PLXNA2: variants seen among roughly 807,000 people sequenced by gnomAD.
The protein encoded by PLXNA2 is plexin-A2.
PLXNA2 carries 91 observed loss-of-function variants against 193.5 expected under a neutral mutation model. That is an observed-to-expected ratio of 0.47 (90% CI 0.40 to 0.56). PLXNA2 has a LOEUF of 0.56. Among genes scored for constraint, PLXNA2 ranks in the 20% least tolerant of loss-of-function variants. PLXNA2 has a pLI of 0.00. For synonymous variants in PLXNA2, 997 were observed against 1,027.3 expected (o/e 0.97, Z 0.56); for missense variants, 1,995 against 2,503.2 (o/e 0.80, Z 4.33).
In PLXNA2 at chr1:208,034,551, G is replaced by C. The variant is rs373970410; in HGVS notation, c.4806C>G (p.Thr1602=). 6 of 1,614,032 alleles carry C rather than the reference G, an allele frequency of 3.7e-6. No individual in the cohort carries two copies. Among genetic ancestry groups the C allele is most frequent in the Non-Finnish European group, 5.1e-6 (6 of 1,179,896 alleles). The change falls in exon 27 of 32, where the codon ACC becomes ACG. Residue 1602 remains threonine (T), a synonymous_variant. Transcript: ENST00000367033. ...CAGAGGCAGGGATGTTGTAGGAGGA[G>C]GTCTGTTTGGGGACCAGAGCCACCA... ...RSVVALVPKQ[T]SSYNIPASAS... is the part of the protein sequence containing the mutation.
At position 208,162,555 on chromosome 1, in the gene PLXNA2, T is replaced by C. The variant is rs1208211512; in HGVS notation, c.1372-20092A>G. ...GACTATGGGGAGAAGCAGAATCTTT[T>C]TAGGGGAGTACAAAGATGAATCCTG... On this transcript the variant is annotated intron_variant, in intron 3 of 31. Coordinates refer to ENST00000367033, the MANE Select transcript of PLXNA2 (RefSeq NM_025179.4). 2.6e-5 allele frequency among the ~76,000 whole-genome samples: 4 copies of C among 152,194 alleles called. No individual in the cohort carries two copies. The East Asian group carries it at 7.7e-4, about 29-fold the overall frequency.
chr1:208,145,646 G>GA (rs1668580818), intron 3 of PLXNA2, among the ~76,000 whole-genome samples: 1 of 152,186 alleles, frequency 6.6e-6, no homozygotes, highest in South Asian at 2.1e-4. Context: ...GGCAAGATTA[G>GA]AGCTGGAGTT....
rs1418438286 is a variant in PLXNA2, at chr1:208,042,192, G to A, written c.4192C>T (p.Leu1398=). Residue 1398 remains leucine, a synonymous_variant, in exon 22 of 32, where the codon CTG becomes TTG. Transcript: ENST00000367033. The stretch of plus-strand genomic sequence containing the variant: ...TTGAGGACATCAGTGGCATATTCCA[G>A]GCGGCCCTGCAGGCCGGTCATGATG... The part of the protein sequence containing the change: ...SLIMTGLQGR[L]EYATDVLKQL... 7 of 1,614,238 alleles carry A rather than the reference G, an allele frequency of 4.3e-6. No homozygotes were observed. The highest frequency in any genetic ancestry group is 5.9e-6 in the Non-Finnish European group (7 of 1,180,024).
Position 208,113,005 on chromosome 1 carries a change from C to CAAAAAA in PLXNA2, c.1507-9764_1507-9759dup, listed in dbSNP as rs5780433. Among the ~76,000 whole-genome samples the CAAAAAA allele has an allele frequency of 4.0e-4, 46 of 114,340 alleles. 2 individuals carry two copies. Among genetic ancestry groups the CAAAAAA allele is most frequent in the South Asian group, 6.0e-4 (2 of 3,316 alleles). 75.0% of individuals were successfully genotyped at this position (114,340 alleles called of 152,430 possible). On this transcript the variant is annotated intron_variant, in intron 4 of 31. Coordinates refer to ENST00000367033, the MANE Select transcript of PLXNA2 (RefSeq NM_025179.4). ...AAGTTCTGGTTTTTGGAAGGACCTA[C>CAAAAAA]AAAAAAAAAAAAAAAAAAACAGAGA...
At position 208,051,367 on chromosome 1, in the gene PLXNA2, G is replaced by T. The variant is rs140131144; in HGVS notation, c.3050C>A (p.Pro1017Gln). 2.5e-6 allele frequency: 4 copies of T among 1,612,712 alleles called. No homozygotes were observed. Among genetic ancestry groups the T allele is most frequent in the Admixed American group, 3.4e-5 (2 of 59,572 alleles). Residue 1017 changes from proline (P) to glutamine (Q), a missense_variant, in exon 16 of 32, where the codon CCG (proline) becomes CAG (glutamine). Physicochemically the swap from Pro to Gln is moderately conservative, Grantham distance 76. Around this residue, in one of 3 missense-constraint regions of PLXNA2, gnomAD observed 1,291 missense variants for 1,673.6 expected, o/e 0.77. Coordinates refer to ENST00000367033, the MANE Select transcript of PLXNA2 (RefSeq NM_025179.4). ...GTCGACACTCACAGAAACAGGGACC[G>T]GGCCAAGGCCATTGGATGATGGGGG... is the stretch of plus-strand genomic sequence containing the variant. ...VSPPSSNGLG[P>Q]VPVSVSVDRA...
chr1:208,027,454 T>A (rs1664376601), intron 31 of PLXNA2, 116 bp from the exon 32 acceptor site: 2 of 680,058 alleles, frequency 2.9e-6, no homozygotes, highest in Non-Finnish European at 5.1e-6. Context: ...TTCATGCACA[T>A]AACCTTAAAT....
intron 15 of PLXNA2, 39 bp downstream of exon 15, chr1:208,052,288 G>A: frequency 6.2e-7 from 1 of 1,600,934 alleles, no homozygotes; most frequent in South Asian, 1.1e-5. Context: ...ACATGTCCCA[G>A]ATGTGCAGTC....
At chr1:208,051,145 A>AG (rs1212680350) in intron 16 of PLXNA2, 43 bp from the exon 17 acceptor site, 5 of 1,599,562 alleles carry the variant, frequency 3.1e-6, no homozygotes, top group Non-Finnish European at 3.4e-6. Flanking sequence ...AACCCCCTCA[A>AG]ATCTGGCATG....
intron 7 of PLXNA2, 44 bp downstream of exon 7, chr1:208,096,686 A>T (rs749324522): frequency 8.7e-6 from 14 of 1,608,680 alleles, no homozygotes; most frequent in Non-Finnish European, 1.1e-5. Context: ...CCCTCAGTAT[A>T]GAGAAGCCCC....
At position 208,038,449 on chromosome 1, in the gene PLXNA2, C is replaced by T; in HGVS notation, c.4686G>A (p.Arg1562=). The change falls in exon 26 of 32, where the codon CGG becomes CGA. Residue 1562 remains arginine, a synonymous_variant. Coordinates refer to ENST00000367033, the MANE Select transcript of PLXNA2 (RefSeq NM_025179.4). This position sits in a 1 kb window ranked among gnomAD's most constrained non-coding sequence, Gnocchi z 4.1. ...TGATGTCCTCATCTTGCAGCACGAC[C>T]CGGGCGATCCGGCCTTGGCGCCACT... is the stretch of plus-strand genomic sequence containing the variant. The part of the protein sequence containing the change: ...DLEWRQGRIA[R]VVLQDEDITT... 2 of 1,614,134 alleles carry T rather than the reference C, an allele frequency of 1.2e-6. No homozygotes were observed.
intron 5 of PLXNA2, among the ~76,000 whole-genome samples, chr1:208,100,598 G>A (rs1667063028): frequency 6.6e-6 from 1 of 152,184 alleles, no homozygotes; most frequent in African/African-American, 2.4e-5. Context: ...ATGATCTTGT[G>A]GGTGGATTAA....
At chr1:208,182,258 C>T (rs931842753) in intron 3 of PLXNA2, among the ~76,000 whole-genome samples, 9 of 152,110 alleles carry the variant, frequency 5.9e-5, no homozygotes, top group Admixed American at 2.0e-4. Flanking sequence ...CATGGTGAAA[C>T]CCCATCTCTA....
chr1:208,217,434 G>T lies in PLXNA2; in HGVS notation c.489C>A (p.Asn163Lys), dbSNP rs1671171036. 1 of 1,614,066 alleles carries T rather than the reference G, an allele frequency of 6.2e-7. No individual in the cohort carries two copies. Among genetic ancestry groups the T allele is most frequent in the South Asian group, 1.1e-5 (1 of 91,086 alleles). Reference protein sequence around the residue: ...HKKEHYLSSVNKTGTMYGVIV... With the variant: ...HKKEHYLSSVKKTGTMYGVIV... ...TCACCCCGTACATGGTGCCCGTCTTGTTGACACTGGACAGGTAGTGCTCCT... is the reference window on the plus strand; with the variant it reads ...TCACCCCGTACATGGTGCCCGTCTTTTTGACACTGGACAGGTAGTGCTCCT... Residue 163 changes from asparagine to lysine, a missense_variant, in exon 2 of 32, where the codon AAC becomes AAA. Transcript: ENST00000367033. This position sits in a 1 kb window ranked among gnomAD's most constrained non-coding sequence, Gnocchi z 4.7.
intron 11 of PLXNA2, among the ~76,000 whole-genome samples, chr1:208,080,263 C>T (rs542851367): frequency 6.6e-6 from 1 of 152,160 alleles, no homozygotes; most frequent in East Asian, 1.9e-4. Context: ...GAGAATATGT[C>T]CCCAGAGAGG....
intron 5 of PLXNA2, among the ~76,000 whole-genome samples, chr1:208,101,202 C>T (rs1211121983): frequency 6.6e-6 from 1 of 152,178 alleles, no homozygotes; most frequent in East Asian, 1.9e-4. Flanking sequence ...GACAATAACA[C>T]ACTTGCAAGA....
chr1:208,204,167 T>TG (rs2102588356), intron 3 of PLXNA2, among the ~76,000 whole-genome samples: 1 of 152,326 alleles, frequency 6.6e-6, no homozygotes, highest in Admixed American at 6.5e-5. Flanking sequence ...AAGAAGGTAG[T>TG]GCCAGAATAG....
intron 9 of PLXNA2, among the ~76,000 whole-genome samples, chr1:208,091,389 T>C (rs1666704416): frequency 6.6e-6 from 1 of 152,254 alleles, no homozygotes; most frequent in African/African-American, 2.4e-5. Flanking sequence ...ACTCCATTAC[T>C]TGAAATCTTA....
intron 12 of PLXNA2, among the ~76,000 whole-genome samples, chr1:208,074,002 A>C (rs1437618599): frequency 6.6e-6 from 1 of 152,222 alleles, no homozygotes. Flanking sequence ...AGGTTGTTTA[A>C]GCCACCTGTT....
chr1:208,137,817 T>A (rs1020668826), intron 4 of PLXNA2, among the ~76,000 whole-genome samples: 1 of 152,234 alleles, frequency 6.6e-6, no homozygotes, highest in African/African-American at 2.4e-5. Flanking sequence ...ATGAGTGCTA[T>A]ATTGGATTGT....
Sources: gnomAD v4.1 joint callset for allele counts (sites outside exome capture counted in the v4.1 genomes callset) on GRCh38, gnomAD v4.1.1 for gene constraint, gnomAD v4.1.1 regional missense constraint, Gnocchi (gnomAD v3.1) non-coding constraint, MANE v1.5 for transcripts, NCBI Gene and HGNC (gene_info 2026-07-23, HGNC 2026-07-21) for gene names.